Variants in NLGN4X observed in about 807,000 individuals in gnomAD.
The protein encoded by NLGN4X is neuroligin-4, X-linked.
A neutral mutation model predicts 40.3 loss-of-function variants in NLGN4X; 3 were observed. That is an observed-to-expected ratio of 0.07 (90% CI 0.03 to 0.19). The LOEUF is 0.19. NLGN4X is among the 10% of genes least tolerant of loss of function. The pLI, the probability that NLGN4X is intolerant of heterozygous loss-of-function variation, is 1.00. For missense variants in NLGN4X, 382 were observed against 708.3 expected, an observed-to-expected ratio of 0.54 and a Z score of 5.23; for synonymous variants, 270 against 306.8, an observed-to-expected ratio of 0.88 and a Z score of 1.25.
At chrX:6,200,687 C>CTT (rs767226691) in intron 1 of NLGN4X, among the ~76,000 whole-genome samples, 3 of 55,543 alleles carry the variant, frequency 5.4e-5, no homozygotes, top group Non-Finnish European at 9.2e-5. Context: ...CTTTCCTTTT[C>CTT]TTTTTTTTTT....
intron 2 of NLGN4X, among the ~76,000 whole-genome samples, chrX:6,077,286 G>C (rs1010519832): frequency 9.8e-6 from 1 of 102,277 alleles, no homozygotes; most frequent in African/African-American, 3.4e-5. Context: ...GTGTGTGTGT[G>C]TGTGTGTGTC....
At chrX:5,944,525 T>G (rs1356619100) in intron 3 of NLGN4X, among the ~76,000 whole-genome samples, 2 of 108,621 alleles carry the variant, frequency 1.8e-5, no homozygotes, top group African/African-American at 6.7e-5. Context: ...GGCATACCCC[T>G]GTATTCCAGC....
At chrX:5,971,548 G>C in intron 3 of NLGN4X, among the ~76,000 whole-genome samples, 1 of 111,744 alleles carries the variant, frequency 8.9e-6, no homozygotes, top group South Asian at 3.7e-4. Context: ...GACAATTCAA[G>C]GTAATTTTCA....
chrX:6,046,740 T>C (rs1220572541), intron 2 of NLGN4X, among the ~76,000 whole-genome samples: 1 of 109,691 alleles, frequency 9.1e-6, no homozygotes, highest in African/African-American at 3.3e-5. Context: ...AAAACACAAA[T>C]ACACATATAT....
At chrX:6,114,609 G>GT (rs1301646786) in intron 2 of NLGN4X, among the ~76,000 whole-genome samples, 4 of 109,692 alleles carry the variant, frequency 3.6e-5, no homozygotes, top group Non-Finnish European at 7.6e-5. Context: ...ACTTTTATAT[G>GT]AATTATTTAC....
At chrX:6,224,122 A>G (rs1480240097) in intron 1 of NLGN4X, among the ~76,000 whole-genome samples, 1 of 112,715 alleles carries the variant, frequency 8.9e-6, no homozygotes, top group African/African-American at 3.2e-5. Context: ...AGATAAGCCT[A>G]TCTTTAGAAG....
At chrX:5,959,721 G>T (rs2034598500) in intron 3 of NLGN4X, among the ~76,000 whole-genome samples, 1 of 111,854 alleles carries the variant, frequency 8.9e-6, no homozygotes, top group South Asian at 3.7e-4. Flanking sequence ...GATGGATGGG[G>T]TGGGCAAACC....
At chrX:5,908,970 G>A (rs760087344) in intron 4 of NLGN4X, 84 bp downstream of exon 4, 2 of 1,047,536 alleles carry the variant, frequency 1.9e-6, no homozygotes, top group East Asian at 3.1e-5. Flanking sequence ...TGGTAACCAG[G>A]ACATGCATCT....
At chrX:6,133,289 T>C (rs961311692) in intron 2 of NLGN4X, among the ~76,000 whole-genome samples, 11 of 111,419 alleles carry the variant, frequency 9.9e-5, no homozygotes, top group African/African-American at 3.6e-4. Context: ...TTTTGATTGA[T>C]TGTGTTCTTT....
At chrX:5,990,748 G>A (rs1449036464) in intron 3 of NLGN4X, among the ~76,000 whole-genome samples, 2 of 111,323 alleles carry the variant, frequency 1.8e-5, no homozygotes, top group African/African-American at 3.3e-5. Context: ...CAAATATACA[G>A]TATGCTAAGT....
intron 3 of NLGN4X, among the ~76,000 whole-genome samples, chrX:5,999,140 C>A (rs1459040162): frequency 9.0e-6 from 1 of 111,280 alleles, no homozygotes; most frequent in East Asian, 2.8e-4. Context: ...GGCCTGAATA[C>A]CCCCACTGAT....
intron 2 of NLGN4X, 136 bp downstream of exon 2, chrX:6,150,859 G>C (rs2040148769): frequency 3.5e-6 from 2 of 565,250 alleles, no homozygotes; most frequent in Non-Finnish European, 5.8e-6. Context: ...ATTGCATTTG[G>C]AATATGAAAA....
intron 1 of NLGN4X, among the ~76,000 whole-genome samples, chrX:6,162,934 T>A (rs1197382903): frequency 1.8e-5 from 2 of 111,944 alleles, no homozygotes; most frequent in Non-Finnish European, 3.8e-5. Flanking sequence ...GTAGCTCCCA[T>A]AATTCCCACG....
intron 3 of NLGN4X, among the ~76,000 whole-genome samples, chrX:5,912,895 G>A (rs1308719492): frequency 1.5e-5 from 1 of 66,221 alleles, no homozygotes; most frequent in African/African-American, 5.7e-5. Flanking sequence ...AAGGAAGGAA[G>A]GCAGGAGGGA....
chrX:6,057,400 G>A (rs771153036), intron 2 of NLGN4X, among the ~76,000 whole-genome samples: 1 of 111,941 alleles, frequency 8.9e-6, no homozygotes, highest in South Asian at 3.7e-4. Context: ...AGCACACCAA[G>A]GCAGAGATGA....
chrX:6,156,200 G>A lies in NLGN4X; in HGVS notation c.-305-4429C>T, dbSNP rs747818663. On this transcript the variant is annotated intron_variant, in intron 1 of 5. Coordinates refer to ENST00000381095, the MANE Select transcript of NLGN4X (RefSeq NM_181332.3). The stretch of plus-strand genomic sequence containing the variant: ...AGAAAATGTGATGCGTATATACCAC[G>A]GAATACTATGCAGCCATAAAAACAA... Among the ~76,000 whole-genome samples, 8 of 112,202 alleles carry A rather than the reference G, an allele frequency of 7.1e-5. No individual in the cohort carries two copies. In the South Asian group the frequency reaches 1.8e-3, roughly 26 times the overall value.
At chrX:6,008,208 G>A (rs1318602768) in intron 3 of NLGN4X, among the ~76,000 whole-genome samples, 2 of 111,487 alleles carry the variant, frequency 1.8e-5, no homozygotes, top group African/African-American at 3.3e-5. Flanking sequence ...TTTCATGTTC[G>A]CAAACTGAAA....
At chrX:5,925,484 T>C in intron 3 of NLGN4X, among the ~76,000 whole-genome samples, 1 of 110,505 alleles carries the variant, frequency 9.0e-6, no homozygotes, top group South Asian at 3.9e-4. Context: ...GGGAAAGAAA[T>C]AATAGTTTGC....
intron 2 of NLGN4X, among the ~76,000 whole-genome samples, chrX:6,099,056 C>A (rs2038846893): frequency 8.9e-6 from 1 of 112,104 alleles, no homozygotes; most frequent in South Asian, 3.7e-4. Context: ...GTCATGACAA[C>A]CTACACTGTC....
Sources: gnomAD v4.1 joint callset for allele counts (sites outside exome capture counted in the v4.1 genomes callset) on GRCh38, gnomAD v4.1.1 for gene constraint, MANE v1.5 for transcripts, NCBI Gene and HGNC (gene_info 2026-07-23, HGNC 2026-07-21) for gene names.